The following ABLIM3 variants were observed in gnomAD, a reference collection of about 807,000 sequenced individuals.
ABLIM3 encodes the protein actin binding LIM protein family member 3.
A neutral mutation model predicts 109.5 loss-of-function variants in ABLIM3; 61 were observed. The observed-to-expected ratio is 0.56, with a 90% CI of 0.45 to 0.69. The LOEUF is 0.69. ABLIM3 is among the 30% of genes least tolerant of loss of function. ABLIM3 has a pLI of 0.00. For missense variants in ABLIM3, 796 were observed against 889.5 expected, an observed-to-expected ratio of 0.89 and a Z score of 1.34; for synonymous variants, 300 against 324.8, an observed-to-expected ratio of 0.92 and a Z score of 0.82.
chr5:149,226,443 C>T (rs376390890), intron 8 of ABLIM3, among the ~76,000 whole-genome samples: 1 of 152,002 alleles, frequency 6.6e-6, no homozygotes, highest in Non-Finnish European at 1.5e-5. Flanking sequence ...TAGATCACAC[C>T]ACTCCCCTCC....
At chr5:149,232,339 T>C (rs946996099) in intron 9 of ABLIM3, among the ~76,000 whole-genome samples, 1 of 152,120 alleles carries the variant, frequency 6.6e-6, no homozygotes, top group African/African-American at 2.4e-5. Flanking sequence ...TGACAATTGT[T>C]GAGAGAGTTG....
chr5:149,192,135 T>G (rs890975925), intron 3 of ABLIM3, among the ~76,000 whole-genome samples: 2 of 152,144 alleles, frequency 1.3e-5, no homozygotes, highest in Non-Finnish European at 2.9e-5. Flanking sequence ...CTCACTGTCA[T>G]GACTTCTGTT....
At chr5:149,148,604 C>A (rs556218075) in intron 2 of ABLIM3, among the ~76,000 whole-genome samples, 1 of 152,172 alleles carries the variant, frequency 6.6e-6, no homozygotes, top group Non-Finnish European at 1.5e-5. Flanking sequence ...CAGCGATCGG[C>A]CGCATCCCTA....
intron 2 of ABLIM3, among the ~76,000 whole-genome samples, chr5:149,170,656 C>T (rs1228070506): frequency 6.6e-6 from 1 of 152,188 alleles, no homozygotes; most frequent in Non-Finnish European, 1.5e-5. Context: ...ATGGGCCAAA[C>T]CATAATTGAG....
At position 149,240,328 on chromosome 5, in the gene ABLIM3, G is replaced by A. The variant is rs1752682085; in HGVS notation, c.1205-348G>A. 3 of 388,298 alleles carry A rather than the reference G, an allele frequency of 7.7e-6. No homozygotes were observed. In the East Asian group the frequency reaches 1.5e-4, roughly 19 times the overall value. 24.1% of individuals were successfully genotyped at this position (388,298 alleles called of 1,614,324 possible). A position where few individuals can be genotyped will look rare whatever the true frequency, so the allele number is the denominator to read the frequency against. On this transcript the variant is annotated intron_variant, in intron 13 of 23. Transcript: ENST00000309868. ...GGGGTGATGCCAGCACTTGGATGGA[G>A]GAAAGGAGCAATTAAGGGAGCGTCC...
intron 6 of ABLIM3, among the ~76,000 whole-genome samples, chr5:149,210,465 C>A (rs1245068944): frequency 6.6e-6 from 1 of 152,190 alleles, no homozygotes; most frequent in Non-Finnish European, 1.5e-5. Flanking sequence ...TAAGGGATAA[C>A]AATCTTATCA....
chr5:149,229,101 G>A (rs564585198), intron 8 of ABLIM3, among the ~76,000 whole-genome samples: 22 of 152,156 alleles, frequency 1.4e-4, no homozygotes, highest in South Asian at 6.2e-4. Context: ...TGATAGATTC[G>A]GAAGCAACTC....
intron 8 of ABLIM3, among the ~76,000 whole-genome samples, chr5:149,226,010 A>G (rs1339609833): frequency 7.6e-6 from 1 of 131,070 alleles, no homozygotes; most frequent in African/African-American, 2.9e-5. Context: ...ATATATATAT[A>G]TATATATATA....
intron 2 of ABLIM3, among the ~76,000 whole-genome samples, chr5:149,157,183 G>A (rs188731139): frequency 3.7e-4 from 57 of 152,272 alleles, no homozygotes; most frequent in Non-Finnish European, 1.5e-4. Flanking sequence ...TTCTCAAGTG[G>A]CCATTAAATG....
At chr5:149,253,022 TCCCATGCTGTTCCCCCAAAACTGC>T (rs1393152973) in intron 23 of ABLIM3, among the ~76,000 whole-genome samples, 185 bp downstream of exon 23, 11 of 152,070 alleles carry the variant, frequency 7.2e-5, no homozygotes, top group South Asian at 6.2e-4. Flanking sequence ...CCCAAAACTG[TCCCATGCTGTTCCCCCAAAACTGC>T]CCCATGCTGT....
chr5:149,244,442 T>C (rs1753153359), intron 15 of ABLIM3: 1 of 172,784 alleles, frequency 5.8e-6, no homozygotes, highest in African/African-American at 2.4e-5. Flanking sequence ...TGAGAAATGA[T>C]GGAGTTCAAA....
At chr5:149,168,891 A>G (rs373602921) in intron 2 of ABLIM3, among the ~76,000 whole-genome samples, 27 of 152,226 alleles carry the variant, frequency 1.8e-4, no homozygotes, top group African/African-American at 6.3e-4. Context: ...AAGAATCTCC[A>G]GAGGAGCTTG....
intron 3 of ABLIM3, among the ~76,000 whole-genome samples, chr5:149,194,216 A>T (rs1402758145): frequency 3.9e-5 from 6 of 152,230 alleles, no homozygotes; most frequent in African/African-American, 1.4e-4. Context: ...AAGAATTTCT[A>T]CAAGTCTAAA....
At chr5:149,233,471 G>A (rs1762062119) in intron 10 of ABLIM3, among the ~76,000 whole-genome samples, 171 bp downstream of exon 10, 1 of 152,172 alleles carries the variant, frequency 6.6e-6, no homozygotes, top group Non-Finnish European at 1.5e-5. Context: ...GGTACAGGGA[G>A]GACATAGATC....
At chr5:149,142,149 G>C in intron 2 of ABLIM3, 41 bp downstream of exon 2, 4 of 1,589,368 alleles carry the variant, frequency 2.5e-6, no homozygotes, top group Non-Finnish European at 3.5e-6. Flanking sequence ...GAACAGGGGT[G>C]GGGGCGGGAG....
At chr5:149,191,163 G>A (rs1757439823) in intron 3 of ABLIM3, among the ~76,000 whole-genome samples, 2 of 151,986 alleles carry the variant, frequency 1.3e-5, no homozygotes, top group African/African-American at 4.8e-5. Flanking sequence ...AAAAATACAA[G>A]TAAAATAGAC....
chr5:149,242,626 G>C, intron 15 of ABLIM3, 88 bp downstream of exon 15: 1 of 1,405,854 alleles, frequency 7.1e-7, no homozygotes, highest in South Asian at 1.2e-5. Flanking sequence ...AGGCCACCAG[G>C]AGCCACAAAA....
At chr5:149,202,535 C>T (rs960461024) in intron 5 of ABLIM3, among the ~76,000 whole-genome samples, 1 of 152,142 alleles carries the variant, frequency 6.6e-6, no homozygotes, top group African/African-American at 2.4e-5. Flanking sequence ...CTTCTAAGCT[C>T]CCATGGGATA....
At chr5:149,170,193 A>G (rs1755252211) in intron 2 of ABLIM3, among the ~76,000 whole-genome samples, 1 of 151,254 alleles carries the variant, frequency 6.6e-6, no homozygotes, top group South Asian at 2.1e-4. Context: ...AGGAAGATCC[A>G]CAGACTTAAA....
Sources: allele counts gnomAD v4.1 joint callset (sites outside exome capture counted in the v4.1 genomes callset), GRCh38; gene constraint gnomAD v4.1.1; transcripts MANE v1.5; gene names NCBI Gene and HGNC (gene_info 2026-07-23, HGNC 2026-07-21).